Variants in SLC38A10 observed in about 807,000 individuals in gnomAD.
The protein encoded by SLC38A10 is solute carrier family 38 member 10, also known as Sodium-coupled neutral amino acid transporter 10.
Under a neutral mutation model 81.0 loss-of-function variants are expected in SLC38A10, and 53 were observed. The observed-to-expected ratio is 0.65, with a 90% CI of 0.53 to 0.82. The LOEUF (loss-of-function observed/expected upper bound fraction) is 0.82, where lower values mean the gene tolerates loss of function less well. SLC38A10 is among the 40% of genes least tolerant of loss of function. The pLI, the probability that SLC38A10 is intolerant of heterozygous loss-of-function variation, is 0.00. For synonymous variants in SLC38A10, 665 were observed against 655.3 expected (o/e 1.01, Z -0.23); for missense variants, 1,471 against 1,545.0 (o/e 0.95, Z 0.80).
At position 81,288,287 on chromosome 17, in the gene SLC38A10, G is replaced by C. The variant is rs1001606407; in HGVS notation, c.217+1404C>G. Among the ~76,000 whole-genome samples the C allele has an allele frequency of 1.3e-5, 2 of 152,142 alleles. No homozygotes were observed. The highest frequency in any genetic ancestry group is 4.8e-5 in the African/African-American group (2 of 41,412). ...ACCCCTAAACACCATTTCCTCTCCC[G>C]CCACCTCCTCACTCTGCCGCGGGAG... On this transcript the variant is annotated intron_variant, in intron 2 of 15. Transcript: ENST00000374759. The surrounding 1 kb of genome is among the most constrained non-coding windows in gnomAD (Gnocchi z 5.4).
At chr17:81,249,767 T>C (rs1196082635) in intron 14 of SLC38A10, among the ~76,000 whole-genome samples, 1 of 152,060 alleles carries the variant, frequency 6.6e-6, no homozygotes, top group Non-Finnish European at 1.5e-5. Flanking sequence ...CGTCCCCCCT[T>C]GGCTGGTGCC....
chr17:81,252,654 G>A lies in SLC38A10; in HGVS notation c.1486C>T (p.Arg496Cys), dbSNP rs777202842. 18 of 1,608,262 alleles carry A rather than the reference G, an allele frequency of 1.1e-5. No homozygotes were observed. Among genetic ancestry groups the A allele is most frequent in the African/African-American group, 4.0e-5 (3 of 74,892 alleles). ...TCGTGAGGAACAGGAGGCTCGTGGC[G>A]GTGGGCCTCGCCCACAGGCACAGCA... ...GIAVPVGEAHRHEPPVPHDKV... is the reference protein window; with the variant it reads ...GIAVPVGEAHCHEPPVPHDKV... The change falls in exon 13 of 16, where the codon CGC becomes TGC. Residue 496 changes from arginine (R) to cysteine (C), a missense_variant. This residue lies in a region of SLC38A10 where 720 missense variants were observed against 827.7 expected (regional missense o/e 0.87). Coordinates refer to ENST00000374759, the MANE Select transcript of SLC38A10 (RefSeq NM_001037984.3).
In SLC38A10 at chr17:81,288,103, G is replaced by A. The variant is rs1003573332; in HGVS notation, c.217+1588C>T. Among the ~76,000 whole-genome samples the A allele has an allele frequency of 6.6e-6, 1 of 152,204 alleles. No homozygotes were observed. The highest frequency in any genetic ancestry group is 2.1e-4 in the South Asian group (1 of 4,832). Reference sequence around the variant, plus strand: ...ACTCTGACAGCACCATTCTCATCAGGAAGGGAGGAGAAGGAATACATCCCC... The same window carrying A: ...ACTCTGACAGCACCATTCTCATCAGAAAGGGAGGAGAAGGAATACATCCCC... On this transcript the variant is annotated intron_variant, in intron 2 of 15. Coordinates refer to ENST00000374759, the MANE Select transcript of SLC38A10 (RefSeq NM_001037984.3). This position sits in a 1 kb window ranked among gnomAD's most constrained non-coding sequence, Gnocchi z 5.4.
Position 81,277,370 on chromosome 17 carries a change from C to T in SLC38A10, c.627-237G>A, listed in dbSNP as rs1172613738. Among the ~76,000 whole-genome samples the T allele has an allele frequency of 6.6e-6, 1 of 152,238 alleles. No homozygotes were observed. The highest frequency in any genetic ancestry group is 1.9e-4 in the East Asian group (1 of 5,194). ...AGAGCGTGCACCATGCGAACATTCC[C>T]CAAGGCTACAGAACGACAGGCTGCT... On this transcript the variant is annotated intron_variant, in intron 6 of 15. Transcript: ENST00000374759. The surrounding 1 kb of genome is among the most constrained non-coding windows in gnomAD (Gnocchi z 4.5).
Position 81,253,289 on chromosome 17 carries a change from A to G in SLC38A10, c.1289-49T>C. The stretch of plus-strand genomic sequence containing the variant: ...AACTGCACTGCCAAGCAGCTCCAGG[A>G]GCGGGGCAGCTCTCCCTGGACTGTT... On this transcript the variant is annotated intron_variant, in intron 11 of 15. Coordinates refer to ENST00000374759, the MANE Select transcript of SLC38A10 (RefSeq NM_001037984.3). This position sits in a 1 kb window ranked among gnomAD's most constrained non-coding sequence, Gnocchi z 4.1. 3 of 1,596,984 alleles carry G rather than the reference A, an allele frequency of 1.9e-6. No homozygotes were observed. The highest frequency in any genetic ancestry group is 2.6e-6 in the Non-Finnish European group (3 of 1,168,508).
chr17:81,285,598 G>T (rs1031993028), intron 2 of SLC38A10: 1 of 152,206 alleles, frequency 6.6e-6, no homozygotes, highest in African/African-American at 2.4e-5. Context: ...ACTCAGCAGG[G>T]TCCCTCCCAG....
intron 5 of SLC38A10, among the ~76,000 whole-genome samples, chr17:81,280,976 A>G (rs1268286437): frequency 6.6e-6 from 1 of 152,098 alleles, no homozygotes; most frequent in Non-Finnish European, 1.5e-5. Context: ...TCCCGCGGGC[A>G]CCAGAGCAGC....
chr17:81,294,682 C>T, intron 1 of SLC38A10, 141 bp downstream of exon 1: 1 of 644,640 alleles, frequency 1.6e-6, no homozygotes, highest in African/African-American at 1.9e-5. Flanking sequence ...CGCCGGGACC[C>T]AGAGGGTCGC....
At position 81,253,199 on chromosome 17, in the gene SLC38A10, T is replaced by C. The variant is rs1158004872; in HGVS notation, c.1330A>G (p.Lys444Glu). The change falls in exon 12 of 16, where the codon AAG becomes GAG. Residue 444 changes from lysine (K) to glutamate (E), a missense_variant. Physicochemically the swap from Lys to Glu is moderately conservative, Grantham distance 56. Around this residue, in one of 2 missense-constraint regions of SLC38A10, gnomAD observed 720 missense variants for 827.7 expected, o/e 0.87. Coordinates refer to ENST00000374759, the MANE Select transcript of SLC38A10 (RefSeq NM_001037984.3). The surrounding 1 kb of genome is among the most constrained non-coding windows in gnomAD (Gnocchi z 4.1). ...VVAVAEDGRE[K>E]PKLPKEREEL... ...TCTCTCTCCTTCGGCAGCTTCGGCT[T>C]CTCCCGGCCATCCTCAGCCACGGCC... is the stretch of plus-strand genomic sequence containing the variant. The C allele has an allele frequency of 1.2e-6, 2 of 1,613,628 alleles. No homozygotes were observed. The highest frequency in any genetic ancestry group is 3.3e-5 in the Admixed American group (2 of 60,010).
intron 14 of SLC38A10, among the ~76,000 whole-genome samples, chr17:81,249,105 C>T (rs572429456): frequency 1.1e-4 from 17 of 151,116 alleles, no homozygotes; most frequent in African/African-American, 2.9e-4. Flanking sequence ...GGCAGGGTTC[C>T]GAAAGAGCAG....
intron 10 of SLC38A10, among the ~76,000 whole-genome samples, chr17:81,260,800 G>A (rs1034172206): frequency 1.3e-4 from 20 of 152,220 alleles, no homozygotes; most frequent in Admixed American, 4.6e-4. Context: ...GGTACGTGAC[G>A]AGCCTTAGGG....
At chr17:81,249,454 A>AGG (rs2062888109) in intron 14 of SLC38A10, among the ~76,000 whole-genome samples, 1 of 900 alleles carries the variant, frequency 1.1e-3, no homozygotes, top group African/African-American at 3.6e-3. Context: ...GGAGGGAGGG[A>AGG]AGAGGAGGGA....
chr17:81,293,021 G>A (rs879412820), intron 1 of SLC38A10, among the ~76,000 whole-genome samples: 3 of 152,096 alleles, frequency 2.0e-5, no homozygotes, highest in Middle Eastern at 3.2e-3. Flanking sequence ...TAAATTAGCC[G>A]GCGTGGTGGC....
intron 13 of SLC38A10, chr17:81,251,864 TA>T: frequency 1.9e-6 from 1 of 532,028 alleles, no homozygotes. Context: ...AGAACTGTCC[TA>T]AGCAGCTCTT....
rs759098755 is a variant in SLC38A10 at position 81,289,683 on chromosome 17, C to T, written c.217+8G>A. On this transcript the variant is annotated splice_region_variant and intron_variant, in intron 2 of 15. Coordinates refer to ENST00000374759, the MANE Select transcript of SLC38A10 (RefSeq NM_001037984.3). The surrounding 1 kb of genome is among the most constrained non-coding windows in gnomAD (Gnocchi z 5.9). ...GTCCAGAGCCACCTTGTGGAGAGGG[C>T]GCCTCACCCAGGCCGGCGTAGGTCC... 3.6e-5 allele frequency: 58 copies of T among 1,599,286 alleles called. No individual in the cohort carries two copies. Among genetic ancestry groups the T allele is most frequent in the South Asian group, 1.6e-4 (14 of 89,798 alleles).
At chr17:81,254,365 T>C (rs947480729) in intron 11 of SLC38A10, among the ~76,000 whole-genome samples, 9 of 152,232 alleles carry the variant, frequency 5.9e-5, no homozygotes, top group Non-Finnish European at 1.2e-4. Flanking sequence ...CTAGACAAAC[T>C]GTAGAGGGAA....
chr17:81,280,533 AAG>A, intron 6 of SLC38A10, 74 bp downstream of exon 6: 1 of 1,579,220 alleles, frequency 6.3e-7, no homozygotes, highest in Non-Finnish European at 8.6e-7. Context: ...GTAAACGAGA[AAG>A]AGAGGGTCCC....
intron 1 of SLC38A10, 69 bp downstream of exon 1, chr17:81,294,754 G>C (rs2063335034): frequency 3.5e-6 from 5 of 1,429,854 alleles, no homozygotes; most frequent in Non-Finnish European, 4.7e-6. Flanking sequence ...CTTTAACCAG[G>C]ACGACCCAGC....
chr17:81,277,249 A>G lies in SLC38A10; in HGVS notation c.627-116T>C. ...AGAGTCTCTGACCTTCCTTCATGCA[A>G]CATTCTCTGCACACTGGAAGTCCCA... is the stretch of plus-strand genomic sequence containing the variant. On this transcript the variant is annotated intron_variant, in intron 6 of 15. Transcript: ENST00000374759. This position sits in a 1 kb window ranked among gnomAD's most constrained non-coding sequence, Gnocchi z 4.5. 1 of 874,678 alleles carries G rather than the reference A, an allele frequency of 1.1e-6. No individual in the cohort carries two copies. 54.2% of individuals were successfully genotyped at this position (874,678 alleles called of 1,614,324 possible). A position where few individuals can be genotyped will look rare whatever the true frequency, so the allele number is the denominator to read the frequency against.
Sources: gnomAD v4.1 joint callset for allele counts (sites outside exome capture counted in the v4.1 genomes callset) on GRCh38, gnomAD v4.1.1 for gene constraint, gnomAD v4.1.1 regional missense constraint, Gnocchi (gnomAD v3.1) non-coding constraint, MANE v1.5 for transcripts, NCBI Gene and HGNC (gene_info 2026-07-23, HGNC 2026-07-21) for gene names.